TMEM132B: variants seen among roughly 807,000 people sequenced by gnomAD.
TMEM132B encodes transmembrane protein 132B.
In TMEM132B, 18 loss-of-function variants were observed where a neutral mutation model predicts 90.8. That is an observed-to-expected ratio of 0.20 (90% CI 0.14 to 0.29). The LOEUF (loss-of-function observed/expected upper bound fraction) is 0.29. Ranked by LOEUF, TMEM132B falls within the 10% of genes least tolerant of loss-of-function variation. The pLI, the probability that TMEM132B is intolerant of heterozygous loss-of-function variation, is 1.00. For synonymous variants in TMEM132B, 504 were observed against 523.3 expected (o/e 0.96, Z 0.50); for missense variants, 1,096 against 1,326.8 (o/e 0.83, Z 2.70).
At chr12:125,450,163 T>C (rs1881111605) in intron 3 of TMEM132B, among the ~76,000 whole-genome samples, 7 of 152,192 alleles carry the variant, frequency 4.6e-5, no homozygotes, top group Admixed American at 3.3e-4. Context: ...TAACTTGCAG[T>C]CAAATTTTAC....
At chr12:125,419,393 A>G (rs1880111008) in intron 3 of TMEM132B, among the ~76,000 whole-genome samples, 1 of 152,246 alleles carries the variant, frequency 6.6e-6, no homozygotes, top group Non-Finnish European at 1.5e-5. Context: ...CTGAAGGCGA[A>G]TAAGGAGCAA....
At chr12:125,235,700 A>G (rs1162919440) in intron 1 of TMEM132B, among the ~76,000 whole-genome samples, 1 of 151,438 alleles carries the variant, frequency 6.6e-6, no homozygotes, top group East Asian at 1.9e-4. Flanking sequence ...TTTTATGTAA[A>G]TTGACTCGTA....
chr12:125,599,869 C>G (rs1480562999), intron 5 of TMEM132B, among the ~76,000 whole-genome samples: 1 of 152,034 alleles, frequency 6.6e-6, no homozygotes, highest in Non-Finnish European at 1.5e-5. Flanking sequence ...TACTTTTGGT[C>G]TTGATGATTA....
rs896339181 is a variant in TMEM132B at position 125,492,550 on chromosome 12, C to T, written c.1107-26889C>T. Among the ~76,000 whole-genome samples the T allele has an allele frequency of 2.6e-5, 4 of 152,110 alleles. No homozygotes were observed. Among genetic ancestry groups the T allele is most frequent in the African/African-American group, 7.2e-5 (3 of 41,398 alleles). ...TTCCCAGCCAGCTTCCTGCACAGGGCGGACAGGAGCCAGGACTCCTGGAGG... is the reference window on the plus strand; with the variant it reads ...TTCCCAGCCAGCTTCCTGCACAGGGTGGACAGGAGCCAGGACTCCTGGAGG... On this transcript the variant is annotated intron_variant, in intron 3 of 8. Coordinates refer to ENST00000682704, the MANE Select transcript of TMEM132B (RefSeq NM_001366854.1). This position sits in a 1 kb window ranked among gnomAD's most constrained non-coding sequence, Gnocchi z 5.8.
Position 125,658,622 on chromosome 12 carries a change from G to C in TMEM132B, c.*3912G>C, listed in dbSNP as rs1443562017. ...CACCTGTCATGTAAAGGGACGGTAT[G>C]GATGGTGGAAAAGTTATGCTAAAAT... On this transcript the variant is annotated 3_prime_UTR_variant, in exon 9 of 9. Coordinates refer to ENST00000682704, the MANE Select transcript of TMEM132B (RefSeq NM_001366854.1). 3.3e-5 allele frequency: 5 copies of C among 152,236 alleles called. No individual in the cohort carries two copies. Among genetic ancestry groups the C allele is most frequent in the Non-Finnish European group, 7.3e-5 (5 of 68,040 alleles). The allele number at this position is 152,236 out of a possible 1,614,324, so 9.4% of individuals were successfully genotyped here. A position where few individuals can be genotyped will look rare whatever the true frequency, so the allele number is the denominator to read the frequency against.
chr12:125,537,831 T>C (rs912197001), intron 4 of TMEM132B, among the ~76,000 whole-genome samples: 1 of 152,172 alleles, frequency 6.6e-6, no homozygotes, highest in African/African-American at 2.4e-5. Flanking sequence ...TTGCCACTTA[T>C]TGGCTGTGGG....
chr12:125,620,592 A>C (rs1426854035), intron 5 of TMEM132B, among the ~76,000 whole-genome samples: 1 of 152,226 alleles, frequency 6.6e-6, no homozygotes, highest in African/African-American at 2.4e-5. Flanking sequence ...GTCCCACACT[A>C]TAATAGTCTG....
At chr12:125,282,623 A>G (rs1215785188) in intron 1 of TMEM132B, among the ~76,000 whole-genome samples, 2 of 152,118 alleles carry the variant, frequency 1.3e-5, no homozygotes, top group Non-Finnish European at 2.9e-5. Context: ...GACAAAGGGA[A>G]TATGATTTTG....
At chr12:125,429,006 TG>T in intron 3 of TMEM132B, among the ~76,000 whole-genome samples, 1 of 152,210 alleles carries the variant, frequency 6.6e-6, no homozygotes, top group East Asian at 1.9e-4. Flanking sequence ...TTTTTCAGAG[TG>T]GTTATAGATT....
chr12:125,432,511 G>GTATATATATATATATATA (rs746916124), intron 3 of TMEM132B, among the ~76,000 whole-genome samples: 1 of 18,556 alleles, frequency 5.4e-5, no homozygotes, highest in African/African-American at 3.2e-4. Context: ...ATGTGTGTGT[G>GTATATATATATATATATA]TATATATATA....
At chr12:125,451,422 A>G (rs977358487) in intron 3 of TMEM132B, among the ~76,000 whole-genome samples, 1 of 152,210 alleles carries the variant, frequency 6.6e-6, no homozygotes, top group Non-Finnish European at 1.5e-5. Context: ...GAGTGAGTGC[A>G]TGTAGATGCA....
At chr12:125,530,553 G>A (rs1032720723) in intron 4 of TMEM132B, among the ~76,000 whole-genome samples, 1 of 152,224 alleles carries the variant, frequency 6.6e-6, no homozygotes, top group African/African-American at 2.4e-5. Flanking sequence ...TAAAACAATA[G>A]GAATTTATTT....
chr12:125,445,053 A>C lies in TMEM132B; in HGVS notation c.1106+29376A>C, dbSNP rs141911175. Among the ~76,000 whole-genome samples, 3 of 152,206 alleles carry C rather than the reference A, an allele frequency of 2.0e-5. No homozygotes were observed. The highest frequency in any genetic ancestry group is 6.5e-5 in the Admixed American group (1 of 15,294). On this transcript the variant is annotated intron_variant, in intron 3 of 8. Transcript: ENST00000682704. This position sits in a 1 kb window ranked among gnomAD's most constrained non-coding sequence, Gnocchi z 4.3. ...CTCCAAGAAGTATATGAACTGCTCA[A>C]CTCATCTCATCCTCAGAGTATGGGT... is the stretch of plus-strand genomic sequence containing the variant.
At chr12:125,640,917 GT>G (rs1296608713) in intron 5 of TMEM132B, among the ~76,000 whole-genome samples, 1 of 135,316 alleles carries the variant, frequency 7.4e-6, no homozygotes, top group Non-Finnish European at 1.6e-5. Flanking sequence ...ACCTTTGCTT[GT>G]AGGAGAAATA....
rs573395322 is a variant in TMEM132B at position 125,264,772 on chromosome 12, C to G, written c.67+77906C>G. Among the ~76,000 whole-genome samples, 439 of 152,222 alleles carry G rather than the reference C, an allele frequency of 2.9e-3. 4 individuals carry two copies. Among genetic ancestry groups the G allele is most frequent in the Non-Finnish European group, 3.1e-3 (211 of 68,040 alleles). Reference sequence around the variant, plus strand: ...CTGGTCTGCTTCTCCTTCACCCCCTCGATTATAAAGTCCATCTGCATTCTT... The same window carrying G: ...CTGGTCTGCTTCTCCTTCACCCCCTGGATTATAAAGTCCATCTGCATTCTT... On this transcript the variant is annotated intron_variant, in intron 1 of 8. Coordinates refer to ENST00000682704, the MANE Select transcript of TMEM132B (RefSeq NM_001366854.1).
At chr12:125,402,897 T>C (rs1158200121) in intron 2 of TMEM132B, among the ~76,000 whole-genome samples, 4 of 152,326 alleles carry the variant, frequency 2.6e-5, no homozygotes, top group Admixed American at 6.5e-5. Context: ...TTGGTTATTA[T>C]GTAAGTGAGA....
chr12:125,464,216 G>A (rs1036610327), intron 3 of TMEM132B, among the ~76,000 whole-genome samples: 2 of 152,190 alleles, frequency 1.3e-5, no homozygotes, highest in Non-Finnish European at 2.9e-5. Context: ...CAGGGGTCAT[G>A]TCTTCTTGGA....
At chr12:125,509,251 G>A (rs1882920019) in intron 3 of TMEM132B, among the ~76,000 whole-genome samples, 1 of 152,178 alleles carries the variant, frequency 6.6e-6, no homozygotes, top group Admixed American at 6.5e-5. Context: ...CAGAGGTGTG[G>A]TGGGTCCTGG....
chr12:125,633,123 G>A (rs1019959382), intron 5 of TMEM132B, among the ~76,000 whole-genome samples: 1 of 151,868 alleles, frequency 6.6e-6, no homozygotes, highest in Non-Finnish European at 1.5e-5. Context: ...TTTAAATTTT[G>A]TCTCCTCTGG....
Sources: allele counts gnomAD v4.1 joint callset (sites outside exome capture counted in the v4.1 genomes callset), GRCh38; gene constraint gnomAD v4.1.1; non-coding constraint Gnocchi (gnomAD v3.1); transcripts MANE v1.5; gene names NCBI Gene and HGNC (gene_info 2026-07-23, HGNC 2026-07-21).